The following ADAMTS18 variants were observed in gnomAD, a reference collection of about 807,000 sequenced individuals.
ADAMTS18 encodes ADAM metallopeptidase with thrombospondin type 1 motif 18.
In ADAMTS18, 157 loss-of-function variants were observed where a neutral mutation model predicts 165.9. The ratio of observed to expected loss-of-function variants is 0.95; its 90% CI spans 0.83 to 1.08. The LOEUF is 1.08. ADAMTS18 is among the 50% of genes least tolerant of loss of function. ADAMTS18 has a pLI of 0.00. For synonymous variants in ADAMTS18, 782 were observed against 578.2 expected (o/e 1.35, Z -5.06); for missense variants, 2,040 against 1,534.0 (o/e 1.33, Z -5.51).
intron 10 of ADAMTS18, among the ~76,000 whole-genome samples, chr16:77,349,301 C>A (rs957378061): frequency 1.3e-5 from 2 of 151,884 alleles, no homozygotes; most frequent in African/African-American, 4.8e-5. Flanking sequence ...AAACTACACA[C>A]CTCCCCCATA....
intron 20 of ADAMTS18, among the ~76,000 whole-genome samples, chr16:77,292,385 C>T (rs139627362): frequency 6.6e-6 from 1 of 152,140 alleles, no homozygotes; most frequent in Non-Finnish European, 1.5e-5. Flanking sequence ...ATCCCATGTC[C>T]CTTCTTTACT....
chr16:77,370,590 A>C (rs1447601256), intron 3 of ADAMTS18, among the ~76,000 whole-genome samples: 1 of 152,096 alleles, frequency 6.6e-6, no homozygotes, highest in Non-Finnish European at 1.5e-5. Flanking sequence ...TCTCTACTAA[A>C]AATACAAAAA....
chr16:77,340,819 C>T (rs1567497284), intron 11 of ADAMTS18, among the ~76,000 whole-genome samples: 2 of 152,154 alleles, frequency 1.3e-5, no homozygotes, highest in Admixed American at 6.5e-5. Context: ...CCTCCCTGCT[C>T]AGCCTCCCAA....
chr16:77,364,204 A>AGAATG lies in ADAMTS18; in HGVS notation c.951_955dup (p.Leu319ProfsTer5). ...CCCGCTTACCATGTTCATTACTGTG[A>AGAATG]GAATGTATGTGGTGACATTTCCCTT... On this transcript the variant is annotated frameshift_variant, in exon 5 of 23. Coordinates refer to ENST00000282849, the MANE Select transcript of ADAMTS18 (RefSeq NM_199355.4). LOFTEE classifies it high-confidence loss of function. The AGAATG allele has an allele frequency of 1.9e-6, 3 of 1,614,034 alleles. No homozygotes were observed. Among genetic ancestry groups the AGAATG allele is most frequent in the Non-Finnish European group, 2.5e-6 (3 of 1,179,994 alleles).
Position 77,339,162 on chromosome 16 carries a change from C to T in ADAMTS18, c.1710+2542G>A, listed in dbSNP as rs188796956. Reference sequence around the variant, plus strand: ...GAAACAAGTAAAACCAGGGCACTGGCCCTCATGAAATTTACAGTCTAACAA... The same window carrying T: ...GAAACAAGTAAAACCAGGGCACTGGTCCTCATGAAATTTACAGTCTAACAA... On this transcript the variant is annotated intron_variant, in intron 11 of 22. Coordinates refer to ENST00000282849, the MANE Select transcript of ADAMTS18 (RefSeq NM_199355.4). Among the ~76,000 whole-genome samples, 3 of 151,090 alleles carry T rather than the reference C, an allele frequency of 2.0e-5. No homozygotes were observed. The East Asian group carries it at 5.8e-4, about 29-fold the overall frequency.
chr16:77,405,077 G>A (rs761423558), intron 3 of ADAMTS18, among the ~76,000 whole-genome samples: 1 of 152,176 alleles, frequency 6.6e-6, no homozygotes, highest in Non-Finnish European at 1.5e-5. Context: ...GATCAGCTCT[G>A]ACTAAAGGTG....
At chr16:77,425,661 G>A (rs1170462642) in intron 3 of ADAMTS18, among the ~76,000 whole-genome samples, 1 of 152,224 alleles carries the variant, frequency 6.6e-6, no homozygotes, top group South Asian at 2.1e-4. Context: ...TACAAGTAAA[G>A]TACAAATAAT....
At chr16:77,388,177 G>A (rs1420963703) in intron 3 of ADAMTS18, among the ~76,000 whole-genome samples, 2 of 152,174 alleles carry the variant, frequency 1.3e-5, no homozygotes, top group Admixed American at 6.5e-5. Context: ...TCAGCTCACT[G>A]CAACCTCCGC....
chr16:77,420,326 A>T (rs1455538530), intron 3 of ADAMTS18, among the ~76,000 whole-genome samples: 1 of 152,132 alleles, frequency 6.6e-6, no homozygotes, highest in Non-Finnish European at 1.5e-5. Flanking sequence ...AGATGATTGC[A>T]TCTCTAAAGC....
intron 16 of ADAMTS18, among the ~76,000 whole-genome samples, chr16:77,313,071 T>A (rs2055813112): frequency 6.6e-6 from 1 of 151,948 alleles, no homozygotes; most frequent in Non-Finnish European, 1.5e-5. Context: ...TGGACTGGAT[T>A]AAGAAAATGT....
At chr16:77,322,545 T>A in intron 13 of ADAMTS18, 79 bp from the exon 14 acceptor site, 1 of 1,526,884 alleles carries the variant, frequency 6.5e-7, no homozygotes, top group Non-Finnish European at 9.0e-7. Flanking sequence ...AAGAATGAAT[T>A]AAATTTACTT....
At chr16:77,312,382 C>T (rs905311322) in intron 16 of ADAMTS18, among the ~76,000 whole-genome samples, 8 of 152,002 alleles carry the variant, frequency 5.3e-5, no homozygotes, top group Admixed American at 1.3e-4. Flanking sequence ...GGATTATAGG[C>T]GCCCGCCACC....
At chr16:77,334,079 T>C (rs1312129320) in intron 12 of ADAMTS18, among the ~76,000 whole-genome samples, 2 of 130,716 alleles carry the variant, frequency 1.5e-5, no homozygotes, top group African/African-American at 5.7e-5. Flanking sequence ...ATATATAATA[T>C]ACAGTGTTAT....
intron 3 of ADAMTS18, among the ~76,000 whole-genome samples, chr16:77,387,478 T>G (rs2057125346): frequency 6.6e-6 from 1 of 152,180 alleles, no homozygotes; most frequent in South Asian, 2.1e-4. Flanking sequence ...AATGCACTAC[T>G]CAAGAGTACA....
At chr16:77,416,753 A>G (rs1359726425) in intron 3 of ADAMTS18, among the ~76,000 whole-genome samples, 1 of 152,176 alleles carries the variant, frequency 6.6e-6, no homozygotes, top group East Asian at 1.9e-4. Context: ...GCTGGTAGAG[A>G]AGAGGAAAAT....
intron 10 of ADAMTS18, 137 bp downstream of exon 10, chr16:77,353,596 A>T: frequency 8.4e-7 from 1 of 1,193,714 alleles, no homozygotes; most frequent in Non-Finnish European, 1.2e-6. Flanking sequence ...CTTAATTATC[A>T]TGCCAAACAA....
chr16:77,336,271 A>G (rs1219796555), intron 11 of ADAMTS18, among the ~76,000 whole-genome samples: 2 of 152,182 alleles, frequency 1.3e-5, no homozygotes, highest in African/African-American at 4.8e-5. Flanking sequence ...TTAAAGAACA[A>G]TTCGGATCAC....
chr16:77,347,443 T>C (rs565258602), intron 10 of ADAMTS18, among the ~76,000 whole-genome samples: 81 of 152,328 alleles, frequency 5.3e-4, no homozygotes, highest in African/African-American at 1.9e-3. Context: ...AGAGTTCCAG[T>C]TGCTTCTGGT....
At chr16:77,400,481 TTTTG>T (rs569905402) in intron 3 of ADAMTS18, among the ~76,000 whole-genome samples, 6 of 109,674 alleles carry the variant, frequency 5.5e-5, no homozygotes, top group African/African-American at 1.8e-4. Flanking sequence ...TGTGTGTGTG[TTTTG>T]TTTTTTTTTT....
Sources: gnomAD v4.1 joint callset for allele counts (sites outside exome capture counted in the v4.1 genomes callset) on GRCh38, gnomAD v4.1.1 for gene constraint, MANE v1.5 for transcripts, NCBI Gene and HGNC (gene_info 2026-07-23, HGNC 2026-07-21) for gene names.